SDK1: variants seen among roughly 807,000 people sequenced by gnomAD.
The protein encoded by SDK1 is protein sidekick-1.
SDK1 carries 157 observed loss-of-function variants against 245.5 expected under a neutral mutation model. That is an observed-to-expected ratio of 0.64 (90% confidence interval 0.56 to 0.73). SDK1 has a LOEUF of 0.73. Ranked by LOEUF, SDK1 falls within the 30% of genes least tolerant of loss-of-function variation. The pLI is 0.00. For missense variants in SDK1, 3,583 were observed against 3,002.3 expected (o/e 1.19, Z -4.52); for synonymous variants, 1,647 against 1,278.5 (o/e 1.29, Z -6.15).
intron 1 of SDK1, among the ~76,000 whole-genome samples, chr7:3,359,633 C>T (rs1410349797): frequency 6.6e-6 from 1 of 152,132 alleles, no homozygotes; most frequent in East Asian, 1.9e-4. Context: ...ACCGCCTGGT[C>T]CCTTAGTGCT....
intron 1 of SDK1, among the ~76,000 whole-genome samples, chr7:3,326,222 G>T (rs59604371): frequency 0.21 from 32,580 of 151,968 alleles, 3,733 homozygotes; most frequent in African/African-American, 0.31. Context: ...TAACCGTTGT[G>T]AACATTTTGG....
At chr7:3,726,697 C>T (rs999187079) in intron 4 of SDK1, among the ~76,000 whole-genome samples, 1 of 152,196 alleles carries the variant, frequency 6.6e-6, no homozygotes, top group African/African-American at 2.4e-5. Flanking sequence ...ACTGTGTTCT[C>T]TCATATAATC....
At chr7:3,711,937 C>G (rs1428476119) in intron 4 of SDK1, among the ~76,000 whole-genome samples, 1 of 152,148 alleles carries the variant, frequency 6.6e-6, no homozygotes, top group East Asian at 1.9e-4. Context: ...GTTACTTTGT[C>G]TAAAGCCCAG....
intron 1 of SDK1, among the ~76,000 whole-genome samples, chr7:3,528,829 G>T (rs1206610785): frequency 6.6e-6 from 1 of 152,004 alleles, no homozygotes; most frequent in African/African-American, 2.4e-5. Context: ...CTCAGAGAGA[G>T]AGGTAGGTTT....
chr7:3,340,912 C>T (rs1562425435), intron 1 of SDK1, among the ~76,000 whole-genome samples: 2 of 152,124 alleles, frequency 1.3e-5, no homozygotes, highest in Admixed American at 6.5e-5. Flanking sequence ...GATGGTTTCA[C>T]TGGACAATTT....
At chr7:3,452,748 TCCA>T (rs1780554256) in intron 1 of SDK1, among the ~76,000 whole-genome samples, 1 of 152,174 alleles carries the variant, frequency 6.6e-6, no homozygotes, top group East Asian at 1.9e-4. Context: ...CCTCCCCTCC[TCCA>T]CCACCCTGTT....
intron 1 of SDK1, among the ~76,000 whole-genome samples, chr7:3,366,337 C>G (rs1185031644): frequency 2.0e-5 from 3 of 151,828 alleles, no homozygotes; most frequent in Non-Finnish European, 4.4e-5. Context: ...TCTATGGTCT[C>G]TGGTCTCCTC....
At chr7:4,131,799 G>A (rs760287503) in intron 27 of SDK1, among the ~76,000 whole-genome samples, 6 of 151,560 alleles carry the variant, frequency 4.0e-5, no homozygotes, top group African/African-American at 4.8e-5. Context: ...CTAGGATGAT[G>A]CAGGAGAGAG....
intron 41 of SDK1, among the ~76,000 whole-genome samples, chr7:4,237,252 C>T (rs768187930): frequency 6.6e-6 from 1 of 151,880 alleles, no homozygotes; most frequent in African/African-American, 2.4e-5. Flanking sequence ...GATCTCACTA[C>T]ATTGCACTGG....
intron 7 of SDK1, among the ~76,000 whole-genome samples, chr7:3,957,487 C>T (rs1034631470): frequency 2.6e-5 from 4 of 152,148 alleles, no homozygotes; most frequent in African/African-American, 2.4e-5. Context: ...AAAAAGAAAA[C>T]GCTCAACTAA....
intron 4 of SDK1, among the ~76,000 whole-genome samples, chr7:3,714,429 A>G (rs1370361758): frequency 6.6e-6 from 1 of 152,204 alleles, no homozygotes; most frequent in Non-Finnish European, 1.5e-5. Context: ...ACCTGTTTAA[A>G]TATGAACTAG....
At position 3,674,003 on chromosome 7, in the gene SDK1, A is replaced by C. The variant is rs139138414; in HGVS notation, c.713+31898A>C. Among the ~76,000 whole-genome samples, 408 of 152,280 alleles carry C rather than the reference A, an allele frequency of 2.7e-3. 2 individuals are homozygous for C. The highest frequency in any genetic ancestry group is 9.5e-3 in the African/African-American group (393 of 41,546). On this transcript the variant is annotated intron_variant, in intron 4 of 44. Transcript: ENST00000404826. ...CTTTTTGGTAGGTGACAGCAGGGAGATTTGTTTGATCATGGAGTTTTTAAA... is the reference window on the plus strand; with the variant it reads ...CTTTTTGGTAGGTGACAGCAGGGAGCTTTGTTTGATCATGGAGTTTTTAAA...
At chr7:4,195,128 A>C (rs1279508284) in intron 35 of SDK1, among the ~76,000 whole-genome samples, 2 of 152,238 alleles carry the variant, frequency 1.3e-5, no homozygotes, top group African/African-American at 4.8e-5. Context: ...TGGAGCACAA[A>C]GTAATGTTTA....
Position 4,026,329 on chromosome 7 carries a change from C to G in SDK1, c.2602+8977C>G, listed in dbSNP as rs906942621. On this transcript the variant is annotated intron_variant, in intron 17 of 44. Coordinates refer to ENST00000404826, the MANE Select transcript of SDK1 (RefSeq NM_152744.4). This position sits in a 1 kb window ranked among gnomAD's most constrained non-coding sequence, Gnocchi z 4.1. ...GGCCAGAGCTTCCACCCTCGGTGGC[C>G]TTGGGCCCATGTTTTAGAAGCTCAG... is the stretch of plus-strand genomic sequence containing the variant. Among the ~76,000 whole-genome samples, 1 of 152,248 alleles carries G rather than the reference C, an allele frequency of 6.6e-6. No individual in the cohort carries two copies. The highest frequency in any genetic ancestry group is 1.5e-5 in the Non-Finnish European group (1 of 68,044).
chr7:3,558,521 A>T (rs576392834), intron 1 of SDK1, among the ~76,000 whole-genome samples: 1 of 152,326 alleles, frequency 6.6e-6, no homozygotes, highest in South Asian at 2.1e-4. Flanking sequence ...TTTTCCAGTC[A>T]CTGGGCAAGA....
At chr7:3,745,094 G>T (rs548010197) in intron 4 of SDK1, among the ~76,000 whole-genome samples, 21 of 152,230 alleles carry the variant, frequency 1.4e-4, no homozygotes, top group African/African-American at 4.6e-4. Context: ...CAAGTTCCCT[G>T]CCATTGCTGA....
rs534692477 is a variant in SDK1 at position 3,405,814 on chromosome 7, C to CTTT, written c.298+103946_298+103948dup. ...TAATTTTCTTTTCTTTTCTTTCTTTCTTTTTTTTTTTTTTTTTTGAGAGAG... is the reference window on the plus strand; with the variant it reads ...TAATTTTCTTTTCTTTTCTTTCTTTCTTTTTTTTTTTTTTTTTTTTTGAGAGAG... On this transcript the variant is annotated intron_variant, in intron 1 of 44. Coordinates refer to ENST00000404826, the MANE Select transcript of SDK1 (RefSeq NM_152744.4). Among the ~76,000 whole-genome samples, 937 of 125,346 alleles carry CTTT rather than the reference C, an allele frequency of 7.5e-3. 26 individuals are homozygous for CTTT. Among genetic ancestry groups the CTTT allele is most frequent in the African/African-American group, 0.027 (877 of 32,772 alleles). The allele number at this position is 125,346 out of a possible 152,430, so 82.2% of individuals were successfully genotyped here.
chr7:3,521,061 T>C (rs1442635088), intron 1 of SDK1, among the ~76,000 whole-genome samples: 1 of 152,158 alleles, frequency 6.6e-6, no homozygotes, highest in African/African-American at 2.4e-5. Flanking sequence ...CCAAACTTAC[T>C]AGAATTGCCT....
chr7:3,686,785 T>G (rs1784296090), intron 4 of SDK1, among the ~76,000 whole-genome samples: 1 of 152,132 alleles, frequency 6.6e-6, no homozygotes, highest in Admixed American at 6.5e-5. Flanking sequence ...GAGGTCAGCT[T>G]ATGTATGGAA....
Sources: allele counts gnomAD v4.1 joint callset (sites outside exome capture counted in the v4.1 genomes callset), GRCh38; gene constraint gnomAD v4.1.1; non-coding constraint Gnocchi (gnomAD v3.1); transcripts MANE v1.5; gene names NCBI Gene and HGNC (gene_info 2026-07-23, HGNC 2026-07-21).